UBQLN1: variants seen among roughly 807,000 people sequenced by gnomAD.
The protein encoded by UBQLN1 is ubiquilin-1.
Under a neutral mutation model 65.4 loss-of-function variants are expected in UBQLN1, and 13 were observed. The ratio of observed to expected loss-of-function variants is 0.20; its 90% CI spans 0.13 to 0.32. UBQLN1 has a LOEUF of 0.32. Ranked by LOEUF, UBQLN1 falls within the 10% of genes least tolerant of loss-of-function variation. UBQLN1 has a pLI of 1.00. For missense variants in UBQLN1, 561 were observed against 724.0 expected (o/e 0.77, Z 2.58); for synonymous variants, 267 against 247.8 (o/e 1.08, Z -0.73).
intron 2 of UBQLN1, among the ~76,000 whole-genome samples, chr9:83,684,683 T>C (rs1832008944): frequency 6.6e-6 from 1 of 151,920 alleles, no homozygotes; most frequent in Admixed American, 6.6e-5. Flanking sequence ...TGGTGGCGCA[T>C]GCCTGTAATT....
Position 83,677,772 on chromosome 9 carries a change from A to G in UBQLN1, c.1060T>C (p.Ser354Pro). 1 of 1,614,212 alleles carries G rather than the reference A, an allele frequency of 6.2e-7. No individual in the cohort carries two copies. The highest frequency in any genetic ancestry group is 8.5e-7 in the Non-Finnish European group (1 of 1,180,022). ...TTTGGCGCAGTAGTACTCTGCCCAG[A>G]AGTGCCACTGGCAGTACTACCAGTA... ...GTTGSTASGT[S>P]GQSTTAPNLV... The change falls in exon 6 of 11, where the codon TCT (serine) becomes CCT (proline). Residue 354 changes from serine (S) to proline (P), a missense_variant. Physicochemically the swap from Ser to Pro is moderately conservative, Grantham distance 74 (BLOSUM62 -1). Transcript: ENST00000376395.
chr9:83,667,952 C>G (rs1587638911), intron 7 of UBQLN1: 2 of 985,080 alleles, frequency 2.0e-6, no homozygotes, highest in African/African-American at 3.5e-5. Context: ...GTGCTCAAGT[C>G]ACTTTACTAA....
chr9:83,663,501 C>A (rs1479828860), intron 10 of UBQLN1, among the ~76,000 whole-genome samples: 2 of 152,096 alleles, frequency 1.3e-5, no homozygotes, highest in Non-Finnish European at 2.9e-5. Context: ...AATACAGCTG[C>A]CCTGGAGGTA....
intron 6 of UBQLN1, among the ~76,000 whole-genome samples, chr9:83,676,466 T>A (rs1019972565): frequency 1.3e-5 from 2 of 152,146 alleles, no homozygotes; most frequent in African/African-American, 4.8e-5. Context: ...CCCTTTAAAG[T>A]AAGAACATTG....
At position 83,663,907 on chromosome 9, in the gene UBQLN1, T is replaced by C. The variant is rs1831602241; in HGVS notation, c.1585A>G (p.Met529Val). 1 of 1,614,120 alleles carries C rather than the reference T, an allele frequency of 6.2e-7. No homozygotes were observed. The highest frequency in any genetic ancestry group is 8.5e-7 in the Non-Finnish European group (1 of 1,179,964). ...TTTACTCCAGCAAGAGCCTGCAGCATCTGCTGAATAAACTGCTGATGTCCA... is the reference window on the plus strand; with the variant it reads ...TTTACTCCAGCAAGAGCCTGCAGCACCTGCTGAATAAACTGCTGATGTCCA... ...EPGHQQFIQQMLQALAGVNPQ... is the reference protein window; with the variant it reads ...EPGHQQFIQQVLQALAGVNPQ... The change falls in exon 10 of 11, where the codon ATG (methionine) becomes GTG (valine). Residue 529 changes from methionine to valine, a missense_variant. Met to Val is a conservative substitution (Grantham distance 21, BLOSUM62 1). Transcript: ENST00000376395.
At chr9:83,673,579 A>C (rs1025611914) in intron 6 of UBQLN1, among the ~76,000 whole-genome samples, 4 of 90,496 alleles carry the variant, frequency 4.4e-5, no homozygotes, top group African/African-American at 2.3e-4. Flanking sequence ...AAAAAAAAAA[A>C]ACTGCGCTTA....
At chr9:83,687,101 ACT>A (rs1832053161) in intron 1 of UBQLN1, among the ~76,000 whole-genome samples, 1 of 152,090 alleles carries the variant, frequency 6.6e-6, no homozygotes, top group Non-Finnish European at 1.5e-5. Context: ...AAAAGACACA[ACT>A]CTCCCTGAAG....
intron 10 of UBQLN1, among the ~76,000 whole-genome samples, chr9:83,662,422 A>T (rs1831576257): frequency 6.6e-6 from 1 of 152,162 alleles, no homozygotes; most frequent in Non-Finnish European, 1.5e-5. Context: ...CTTCGAATGA[A>T]TGTGAGTTTA....
rs943262421 is a variant in UBQLN1, at chr9:83,665,700, T to C, written c.1333-555A>G. 7.9e-5 allele frequency among the ~76,000 whole-genome samples: 12 copies of C among 152,148 alleles called. 1 individual carries two copies. Among genetic ancestry groups the C allele is most frequent in the Admixed American group, 7.9e-4 (12 of 15,276 alleles). On this transcript the variant is annotated intron_variant, in intron 8 of 10. Coordinates refer to ENST00000376395, the MANE Select transcript of UBQLN1 (RefSeq NM_013438.5). ...TTACAATAGATCAAGGACACCAACC[T>C]TGGAAAATGGTTTACAGGTCTGAGA...
At chr9:83,690,745 CA>C (rs34407853) in intron 1 of UBQLN1, among the ~76,000 whole-genome samples, 5 of 146,468 alleles carry the variant, frequency 3.4e-5, no homozygotes, top group Non-Finnish European at 3.0e-5. Flanking sequence ...GACTCTGTCT[CA>C]AAAAAAAAAA....
At chr9:83,680,364 T>G (rs976240035) in intron 3 of UBQLN1, among the ~76,000 whole-genome samples, 19 of 152,082 alleles carry the variant, frequency 1.2e-4, no homozygotes, top group African/African-American at 4.6e-4. Context: ...TATCTTTTAT[T>G]ATTCATTACA....
Position 83,685,998 on chromosome 9 carries a change from C to T in UBQLN1, c.332+6G>A. 1 of 1,599,700 alleles carries T rather than the reference C, an allele frequency of 6.3e-7. No individual in the cohort carries two copies. The highest frequency in any genetic ancestry group is 8.5e-7 in the Non-Finnish European group (1 of 1,175,018). ...TTTTAAAGCTGTACATCTTCCAAAA[C>T]CATACCTGTTTTGTGTTTTAATGAC... On this transcript the variant is annotated splice_donor_region_variant and intron_variant, in intron 2 of 10. Coordinates refer to ENST00000376395, the MANE Select transcript of UBQLN1 (RefSeq NM_013438.5).
chr9:83,707,902 G>C lies in UBQLN1; in HGVS notation c.-223C>G, dbSNP rs1832448211. ...GTCAGGCGCTCGGCAGCCGCCGTGTGTTCAGGCGCCGCTCGCTCACACCGA... is the reference window on the plus strand; with the variant it reads ...GTCAGGCGCTCGGCAGCCGCCGTGTCTTCAGGCGCCGCTCGCTCACACCGA... On this transcript the variant is annotated 5_prime_UTR_variant, in exon 1 of 11. Coordinates refer to ENST00000376395, the MANE Select transcript of UBQLN1 (RefSeq NM_013438.5). 1.8e-6 allele frequency: 1 copy of C among 569,638 alleles called. No individual in the cohort carries two copies. Among genetic ancestry groups the C allele is most frequent in the Non-Finnish European group, 2.9e-6 (1 of 346,778 alleles). The allele number at this position is 569,638 out of a possible 1,614,324, so 35.3% of individuals were successfully genotyped here.
chr9:83,665,292 C>T (rs1339831942), intron 8 of UBQLN1, 147 bp from the exon 9 acceptor site: 4 of 513,782 alleles, frequency 7.8e-6, no homozygotes, highest in Non-Finnish European at 6.7e-6. Context: ...CCAAAATAAA[C>T]GCAAGTATCT....
chr9:83,670,466 C>T (rs770015483), intron 6 of UBQLN1, among the ~76,000 whole-genome samples: 113 of 152,002 alleles, frequency 7.4e-4, no homozygotes, highest in Non-Finnish European at 2.8e-4. Context: ...AAGTCACACA[C>T]ATTTTTTGGT....
chr9:83,663,431 G>T (rs1831594464), intron 10 of UBQLN1, among the ~76,000 whole-genome samples: 1 of 152,298 alleles, frequency 6.6e-6, no homozygotes. Context: ...ACCGCAGGAG[G>T]TGGTGTCATG....
At chr9:83,669,500 A>G (rs1387963618) in intron 6 of UBQLN1, among the ~76,000 whole-genome samples, 173 bp from the exon 7 acceptor site, 1 of 152,240 alleles carries the variant, frequency 6.6e-6, no homozygotes, top group Non-Finnish European at 1.5e-5. Context: ...CTAAAAGTAC[A>G]TGCCCAACAT....
At chr9:83,674,597 C>A (rs1490631868) in intron 6 of UBQLN1, among the ~76,000 whole-genome samples, 1 of 152,090 alleles carries the variant, frequency 6.6e-6, no homozygotes, top group Non-Finnish European at 1.5e-5. Flanking sequence ...CCAAATGTGT[C>A]CAGAGAAAAT....
chr9:83,672,756 G>T (rs1274027242), intron 6 of UBQLN1, among the ~76,000 whole-genome samples: 1 of 152,182 alleles, frequency 6.6e-6, no homozygotes, highest in Non-Finnish European at 1.5e-5. Flanking sequence ...TGGAAAAATG[G>T]TACTAACAGA....
Sources: allele counts gnomAD v4.1 joint callset (sites outside exome capture counted in the v4.1 genomes callset), GRCh38; gene constraint gnomAD v4.1.1; transcripts MANE v1.5; gene names NCBI Gene and HGNC (gene_info 2026-07-23, HGNC 2026-07-21).